PALM2AKAP2: variants seen among roughly 807,000 people sequenced by gnomAD.
PALM2AKAP2 encodes PALM2-AKAP2 fusion protein.
PALM2AKAP2 carries 37 observed loss-of-function variants against 71.5 expected under a neutral mutation model. The ratio of observed to expected loss-of-function variants is 0.52; its 90% CI spans 0.40 to 0.68. The LOEUF (loss-of-function observed/expected upper bound fraction) is 0.68, where lower values mean the gene tolerates loss of function less well. PALM2AKAP2 is among the 30% of genes least tolerant of loss of function. The pLI is 0.00. For synonymous variants in PALM2AKAP2, 468 were observed against 478.8 expected (o/e 0.98, Z 0.29); for missense variants, 1,224 against 1,191.8 (o/e 1.03, Z -0.40).
At chr9:110,028,771 A>G (rs1833227540) in intron 7 of PALM2AKAP2, among the ~76,000 whole-genome samples, 1 of 152,178 alleles carries the variant, frequency 6.6e-6, no homozygotes, top group Admixed American at 6.5e-5. Flanking sequence ...ACATACTTAT[A>G]TTAAAAAATT....
chr9:109,847,863 C>T (rs1246296934), intron 1 of PALM2AKAP2, among the ~76,000 whole-genome samples: 1 of 152,158 alleles, frequency 6.6e-6, no homozygotes, highest in Non-Finnish European at 1.5e-5. Context: ...CTTTTGGTGC[C>T]ACCATTTTTG....
intron 3 of PALM2AKAP2, among the ~76,000 whole-genome samples, chr9:109,887,692 C>A (rs1829998064): frequency 6.6e-6 from 1 of 151,614 alleles, no homozygotes; most frequent in African/African-American, 2.4e-5. Flanking sequence ...GCTGCCCCCC[C>A]CTAAAAAAAT....
chr9:110,112,561 C>G (rs1037043298), intron 1 of PALM2AKAP2, among the ~76,000 whole-genome samples: 2 of 152,238 alleles, frequency 1.3e-5, no homozygotes, highest in Non-Finnish European at 2.9e-5. Flanking sequence ...GGCATACCAG[C>G]TAAGCCAGCA....
At chr9:109,789,417 A>G (rs1293439115) in intron 1 of PALM2AKAP2, among the ~76,000 whole-genome samples, 1 of 152,182 alleles carries the variant, frequency 6.6e-6, no homozygotes, top group Admixed American at 6.5e-5. Flanking sequence ...GATGGTTAAT[A>G]TTTTATGAAG....
intron 1 of PALM2AKAP2, among the ~76,000 whole-genome samples, chr9:110,134,162 G>C (rs559361777): frequency 6.6e-6 from 1 of 151,836 alleles, no homozygotes; most frequent in Non-Finnish European, 1.5e-5. Context: ...ATGCCCACCT[G>C]TAGTCCTAAG....
intron 1 of PALM2AKAP2, among the ~76,000 whole-genome samples, chr9:109,752,405 C>T (rs1272653998): frequency 6.6e-6 from 1 of 152,096 alleles, no homozygotes; most frequent in Non-Finnish European, 1.5e-5. Context: ...TGAGAGTCTG[C>T]ATTTCTAAGG....
At chr9:109,836,494 A>C (rs1439191719) in intron 1 of PALM2AKAP2, among the ~76,000 whole-genome samples, 3 of 152,256 alleles carry the variant, frequency 2.0e-5, no homozygotes, top group African/African-American at 7.2e-5. Context: ...AAAGGAATGC[A>C]GCTCCTTGCC....
At chr9:109,879,273 C>T (rs932746589) in intron 2 of PALM2AKAP2, among the ~76,000 whole-genome samples, 1 of 152,180 alleles carries the variant, frequency 6.6e-6, no homozygotes, top group South Asian at 2.1e-4. Flanking sequence ...AGCCAGGGAG[C>T]CAAAGAGCCA....
At chr9:109,950,587 A>G (rs1831613773) in intron 6 of PALM2AKAP2, among the ~76,000 whole-genome samples, 1 of 152,196 alleles carries the variant, frequency 6.6e-6, no homozygotes, top group Non-Finnish European at 1.5e-5. Context: ...CTTCCCAAGC[A>G]TCATCCTTCC....
intron 1 of PALM2AKAP2, among the ~76,000 whole-genome samples, chr9:109,773,847 T>C (rs1463259129): frequency 6.6e-6 from 1 of 152,260 alleles, no homozygotes; most frequent in Non-Finnish European, 1.5e-5. Context: ...TGAGCAATTT[T>C]TGAGACTGGC....
intron 1 of PALM2AKAP2, among the ~76,000 whole-genome samples, chr9:110,118,206 T>TACAC (rs1455595929): frequency 4.0e-5 from 3 of 74,396 alleles, no homozygotes; most frequent in Non-Finnish European, 8.3e-5. Flanking sequence ...TATACAGAAA[T>TACAC]ATACACACAC....
chr9:110,013,237 C>G (rs1346900670), intron 6 of PALM2AKAP2, among the ~76,000 whole-genome samples: 1 of 152,154 alleles, frequency 6.6e-6, no homozygotes, highest in Non-Finnish European at 1.5e-5. Context: ...TGCATTATGC[C>G]CTCTAACATC....
At position 109,858,862 on chromosome 9, in the gene PALM2AKAP2, T is replaced by G. The variant is rs149436657; in HGVS notation, c.46-8629T>G. On this transcript the variant is annotated intron_variant, in intron 1 of 9. Coordinates refer to the PALM2AKAP2 transcript ENST00000302798. ...AAGTGAAGCACTCCTAGCAAAGAAT[T>G]TGATGTTATGACCATCAAAGCAAAA... is the stretch of plus-strand genomic sequence containing the variant. 2.7e-3 allele frequency among the ~76,000 whole-genome samples: 416 copies of G among 152,264 alleles called. 1 individual carries two copies. Among genetic ancestry groups the G allele is most frequent in the African/African-American group, 9.5e-3 (396 of 41,546 alleles).
At chr9:109,662,068 T>A (rs540012841) in intron 1 of PALM2AKAP2, among the ~76,000 whole-genome samples, 19 of 152,324 alleles carry the variant, frequency 1.2e-4, no homozygotes, top group African/African-American at 4.3e-4. Context: ...GATTTTGGGC[T>A]GAGATGATGG....
At chr9:109,801,618 G>C (rs554780488) in intron 1 of PALM2AKAP2, among the ~76,000 whole-genome samples, 1 of 152,192 alleles carries the variant, frequency 6.6e-6, no homozygotes, top group Non-Finnish European at 1.5e-5. Flanking sequence ...GGGCTTTAAA[G>C]CCAGGACTCC....
intron 1 of PALM2AKAP2, among the ~76,000 whole-genome samples, chr9:110,059,551 A>G (rs1026402507): frequency 3.3e-5 from 5 of 152,234 alleles, no homozygotes; most frequent in African/African-American, 1.2e-4. Context: ...ATTTCTATGC[A>G]TCATCTTTTT....
chr9:110,149,947 G>A (rs1836269089), intron 2 of PALM2AKAP2, among the ~76,000 whole-genome samples: 1 of 152,184 alleles, frequency 6.6e-6, no homozygotes, highest in Non-Finnish European at 1.5e-5. Context: ...TCCAAAAGGA[G>A]GATTGAGACC....
In PALM2AKAP2 at chr9:110,014,815, T is replaced by A. The variant is rs1167704342; in HGVS notation, c.497-1139T>A. On this transcript the variant is annotated intron_variant, in intron 6 of 9. Coordinates refer to the PALM2AKAP2 transcript ENST00000302798. ...AAAAAAAAAAAAAAATGTATATATA[T>A]ATATATATATATATATATATATATA... Among the ~76,000 whole-genome samples, 10 of 41,724 alleles carry A rather than the reference T, an allele frequency of 2.4e-4. 2 individuals are homozygous for A. Among genetic ancestry groups the A allele is most frequent in the East Asian group, 2.1e-3 (3 of 1,422 alleles). 27.4% of individuals were successfully genotyped at this position (41,724 alleles called of 152,430 possible). A position where few individuals can be genotyped will look rare whatever the true frequency, so the allele number is the denominator to read the frequency against.
chr9:110,003,950 T>C (rs189391939), intron 6 of PALM2AKAP2, among the ~76,000 whole-genome samples: 1 of 152,352 alleles, frequency 6.6e-6, no homozygotes, highest in East Asian at 1.9e-4. Flanking sequence ...GTTTCCTGAA[T>C]ATAGCACACT....
Sources: gnomAD v4.1 joint callset for allele counts (sites outside exome capture counted in the v4.1 genomes callset) on GRCh38, gnomAD v4.1.1 for gene constraint, MANE v1.5 for transcripts, NCBI Gene and HGNC (gene_info 2026-07-23, HGNC 2026-07-21) for gene names.